AKR1B1: variants seen among roughly 807,000 people sequenced by gnomAD.
The protein encoded by AKR1B1 is aldo-keto reductase family 1 member B1.
In AKR1B1, 22 loss-of-function variants were observed where a neutral mutation model predicts 40.4. That is an observed-to-expected ratio of 0.54 (90% CI 0.39 to 0.78). The LOEUF is 0.78. Ranked by LOEUF, AKR1B1 falls within the 30% of genes least tolerant of loss-of-function variation. The pLI is 0.00. For synonymous variants in AKR1B1, 157 were observed against 149.9 expected (o/e 1.05, Z -0.35); for missense variants, 357 against 396.7 (o/e 0.90, Z 0.85).
At chr7:134,458,524 G>C (rs1806560796) in intron 1 of AKR1B1, among the ~76,000 whole-genome samples, 1 of 152,148 alleles carries the variant, frequency 6.6e-6, no homozygotes. Context: ...TTACAAGTGA[G>C]GCAACCGGGC....
In AKR1B1 at chr7:134,449,361, C is replaced by A. The variant is rs59613937; in HGVS notation, c.430-242G>T. ...CAGCACTTTGGGAGGCTGAGGCGGG[C>A]GGATCACGAGGTCAGGAGATCAAGA... On this transcript the variant is annotated intron_variant, in intron 4 of 9. Coordinates refer to ENST00000285930, the MANE Select transcript of AKR1B1 (RefSeq NM_001628.4). 3.6e-3 allele frequency: 2,123 copies of A among 589,718 alleles called. 48 individuals are homozygous for A. The highest frequency in any genetic ancestry group is 0.034 in the African/African-American group (1,826 of 53,778). 36.5% of individuals were successfully genotyped at this position (589,718 alleles called of 1,614,324 possible).
chr7:134,459,058 G>C lies in AKR1B1; in HGVS notation c.5C>G (p.Ala2Gly). The C allele has an allele frequency of 6.2e-7, 1 of 1,603,758 alleles. No homozygotes were observed. Among genetic ancestry groups the C allele is most frequent in the Non-Finnish European group, 8.5e-7 (1 of 1,176,022 alleles). Reference protein sequence around the residue: MASRLLLNNGAK... With the variant: MGSRLLLNNGAK... ...GCCGTTGTTGAGCAGGAGACGGCTTGCCATGGCTGCTGCGCTCCCCAGACC... is the reference window on the plus strand; with the variant it reads ...GCCGTTGTTGAGCAGGAGACGGCTTCCCATGGCTGCTGCGCTCCCCAGACC... Residue 2 changes from alanine (A) to glycine (G), a missense_variant, in exon 1 of 10, where the codon GCA (alanine) becomes GGA (glycine). Coordinates refer to ENST00000285930, the MANE Select transcript of AKR1B1 (RefSeq NM_001628.4).
chr7:134,450,944 A>T, intron 2 of AKR1B1, 42 bp from the exon 3 acceptor site: 2 of 1,538,442 alleles, frequency 1.3e-6, no homozygotes, highest in Non-Finnish European at 1.8e-6. Context: ...GCCAGCCACA[A>T]GGCAGCTTCC....
chr7:134,448,769 CCT>C (rs1335726048), intron 5 of AKR1B1, among the ~76,000 whole-genome samples: 1 of 152,112 alleles, frequency 6.6e-6, no homozygotes, highest in Admixed American at 6.5e-5. Flanking sequence ...CTCATGGCTG[CCT>C]CTTTGTCAGA....
intron 1 of AKR1B1, among the ~76,000 whole-genome samples, chr7:134,453,634 A>G (rs554135874): frequency 1.3e-5 from 2 of 152,290 alleles, no homozygotes; most frequent in South Asian, 4.1e-4. Flanking sequence ...ACGACATGAA[A>G]AAAAAGTTGT....
chr7:134,454,778 G>A (rs1386212518), intron 1 of AKR1B1, among the ~76,000 whole-genome samples: 2 of 152,176 alleles, frequency 1.3e-5, no homozygotes, highest in African/African-American at 4.8e-5. Context: ...AGAATGCTGT[G>A]CTGATAATCC....
intron 1 of AKR1B1, among the ~76,000 whole-genome samples, chr7:134,457,501 T>G (rs1437065591): frequency 2.6e-5 from 4 of 152,204 alleles, no homozygotes; most frequent in Admixed American, 6.5e-5. Flanking sequence ...TCACGTACCC[T>G]GATCATTCTG....
At chr7:134,453,036 A>G (rs1182734676) in intron 1 of AKR1B1, among the ~76,000 whole-genome samples, 1 of 152,214 alleles carries the variant, frequency 6.6e-6, no homozygotes, top group Admixed American at 6.5e-5. Context: ...GGAACAGAGA[A>G]TCTCAATTTC....
intron 1 of AKR1B1, among the ~76,000 whole-genome samples, chr7:134,457,437 T>C (rs1806504729): frequency 6.6e-6 from 1 of 152,146 alleles, no homozygotes. Context: ...GGTGTCATGG[T>C]TGTAATTCAA....
At chr7:134,448,562 T>C in intron 5 of AKR1B1, 69 bp from the exon 6 acceptor site, 1 of 1,221,032 alleles carries the variant, frequency 8.2e-7, no homozygotes, top group Non-Finnish European at 1.2e-6. Context: ...AGATGAAGCT[T>C]CCTATGCTAA....
Position 134,450,924 on chromosome 7 carries a change from T to C in AKR1B1, c.235-22A>G, listed in dbSNP as rs759566331. ...ACAGCTAAGCCAGCGAGAGGGCACA[T>C]GTCATCATTGCCAGCCACAAGGCAG... On this transcript the variant is annotated intron_variant, in intron 2 of 9. Transcript: ENST00000285930. 7 of 1,588,640 alleles carry C rather than the reference T, an allele frequency of 4.4e-6. No individual in the cohort carries two copies. In the South Asian group the frequency reaches 6.6e-5, roughly 15 times the overall value.
intron 8 of AKR1B1, among the ~76,000 whole-genome samples, chr7:134,446,756 A>G (rs894169116): frequency 1.3e-5 from 2 of 152,254 alleles, no homozygotes; most frequent in African/African-American, 4.8e-5. Context: ...TGGTGAATGG[A>G]CTAAATGGCC....
At chr7:134,454,617 T>C (rs997097946) in intron 1 of AKR1B1, among the ~76,000 whole-genome samples, 2 of 152,178 alleles carry the variant, frequency 1.3e-5, no homozygotes, top group African/African-American at 2.4e-5. Context: ...TATTTTGCAA[T>C]ATTAACCACG....
chr7:134,442,825 C>T (rs1194314253), intron 9 of AKR1B1, 55 bp from the exon 10 acceptor site: 2 of 1,480,142 alleles, frequency 1.4e-6, no homozygotes. Context: ...TTTGACTATA[C>T]CCAACTCCCA....
At position 134,447,286 on chromosome 7, in the gene AKR1B1, C is replaced by A. The variant is rs1411722198; in HGVS notation, c.825+12G>T. 1.2e-6 allele frequency: 2 copies of A among 1,613,206 alleles called. No individual in the cohort carries two copies. Among genetic ancestry groups the A allele is most frequent in the African/African-American group, 2.7e-5 (2 of 74,916 alleles). On this transcript the variant is annotated intron_variant, in intron 8 of 9. Coordinates refer to ENST00000285930, the MANE Select transcript of AKR1B1 (RefSeq NM_001628.4). ...ATGGAGGAGGGCCAGGCCTGACCAG[C>A]CAAGATCTTACCTTAAAGTTCTCAG...
chr7:134,449,914 T>C, intron 3 of AKR1B1, 117 bp from the exon 4 acceptor site: 1 of 849,330 alleles, frequency 1.2e-6, no homozygotes, highest in Non-Finnish European at 2.0e-6. Flanking sequence ...CTAGGGATAA[T>C]CTGTGTGCCA....
intron 9 of AKR1B1, among the ~76,000 whole-genome samples, chr7:134,444,501 G>T (rs1283095018): frequency 6.6e-6 from 1 of 152,262 alleles, no homozygotes. Context: ...GCTTAGAAGA[G>T]GAAGTACTAA....
intron 1 of AKR1B1, among the ~76,000 whole-genome samples, chr7:134,455,320 A>T (rs1806436174): frequency 6.6e-6 from 1 of 152,026 alleles, no homozygotes; most frequent in Non-Finnish European, 1.5e-5. Flanking sequence ...ATTTTGGGGC[A>T]AATTAGGGGA....
intron 8 of AKR1B1, among the ~76,000 whole-genome samples, chr7:134,446,262 A>G (rs544568885): frequency 3.9e-5 from 6 of 152,288 alleles, no homozygotes; most frequent in South Asian, 4.2e-4. Context: ...TACTTAGAAC[A>G]TCTACCTGCA....
Sources: allele counts gnomAD v4.1 joint callset (sites outside exome capture counted in the v4.1 genomes callset), GRCh38; gene constraint gnomAD v4.1.1; transcripts MANE v1.5; gene names NCBI Gene and HGNC (gene_info 2026-07-23, HGNC 2026-07-21).